Variants in PCGF3 observed in about 807,000 individuals in gnomAD.
The protein encoded by PCGF3 is polycomb group RING finger protein 3.
A neutral mutation model predicts 33.1 loss-of-function variants in PCGF3; 7 were observed. The observed-to-expected ratio is 0.21, with a 90% confidence interval of 0.12 to 0.40. The LOEUF is 0.40. PCGF3 is among the 10% of genes least tolerant of loss of function. The probability of loss-of-function intolerance (pLI) is 1.00; values close to 1 mark genes in which losing one functional copy is unlikely to be tolerated. For synonymous variants in PCGF3, 153 were observed against 121.3 expected, an observed-to-expected ratio of 1.26 and a Z score of -1.72; for missense variants, 211 against 313.3, an observed-to-expected ratio of 0.67 and a Z score of 2.46.
At chr4:737,856 C>G (rs369575440) in intron 6 of PCGF3, among the ~76,000 whole-genome samples, 1 of 152,360 alleles carries the variant, frequency 6.6e-6, no homozygotes, top group Admixed American at 6.5e-5. Flanking sequence ...GCCTGCCTCC[C>G]CTCATCCCAC....
intron 8 of PCGF3, among the ~76,000 whole-genome samples, chr4:754,537 AG>A (rs1056024832): frequency 2.0e-5 from 3 of 152,128 alleles, no homozygotes; most frequent in Non-Finnish European, 4.4e-5. Context: ...TGGACTGTAG[AG>A]GTGAGGCAGG....
rs556757820 is a variant in PCGF3, at chr4:734,957, C to T, written c.136C>T (p.Leu46=). Residue 46 remains leucine, a synonymous_variant, in exon 5 of 11, where the codon CTG becomes TTG. Transcript: ENST00000362003. ...CTGCAGGAGCTGCCTGGTGAAGTAC[C>T]TGGAGGAGAACAACACCTGCCCCAC... 2.0e-5 allele frequency: 33 copies of T among 1,613,816 alleles called. No individual in the cohort carries two copies. In the Admixed American group the frequency reaches 3.8e-4, roughly 19 times the overall value.
chr4:715,127 G>A (rs1302717165), intron 1 of PCGF3, among the ~76,000 whole-genome samples: 85 of 141,392 alleles, frequency 6.0e-4, no homozygotes, highest in Middle Eastern at 4.2e-3. Flanking sequence ...ACTGGGTGTC[G>A]GTGCTGGGAC....
At chr4:764,847 A>G in intron 9 of PCGF3, 137 bp from the exon 10 acceptor site, 1 of 621,982 alleles carries the variant, frequency 1.6e-6, no homozygotes. Flanking sequence ...TACATGAACC[A>G]GCCCCCCCCA....
chr4:728,266 T>C (rs982861790), intron 1 of PCGF3, among the ~76,000 whole-genome samples: 1 of 152,170 alleles, frequency 6.6e-6, no homozygotes, highest in African/African-American at 2.4e-5. Flanking sequence ...ATAACAATAA[T>C]GCACATCTTA....
intron 1 of PCGF3, among the ~76,000 whole-genome samples, chr4:725,483 G>A (rs981720934): frequency 2.3e-4 from 35 of 152,184 alleles, no homozygotes; most frequent in African/African-American, 7.7e-4. Flanking sequence ...CCGTGTCCAC[G>A]TGAGGAGGGA....
chr4:743,617 G>A (rs778828742), intron 7 of PCGF3, 33 bp downstream of exon 7: 16 of 1,278,304 alleles, frequency 1.3e-5, no homozygotes, highest in Middle Eastern at 1.9e-4. Context: ...CAGAAGCCCC[G>A]GGAATCCCCT....
chr4:765,910 T>A, intron 10 of PCGF3, 122 bp from the exon 11 acceptor site: 1 of 837,924 alleles, frequency 1.2e-6, no homozygotes, highest in Non-Finnish European at 2.0e-6. Flanking sequence ...AGGGTCTCTG[T>A]GCAGCCCTGC....
intron 8 of PCGF3, among the ~76,000 whole-genome samples, chr4:753,713 T>C (rs1202979188): frequency 2.0e-5 from 3 of 151,422 alleles, no homozygotes; most frequent in South Asian, 2.1e-4. Flanking sequence ...TTTGGGAGGC[T>C]GAGGCGGGCA....
intron 6 of PCGF3, among the ~76,000 whole-genome samples, chr4:740,002 T>TA (rs1225722977): frequency 1.3e-5 from 2 of 152,256 alleles, no homozygotes; most frequent in African/African-American, 4.8e-5. Context: ...TTGTGGCTCT[T>TA]TAGCAGGAGG....
At chr4:727,679 C>T (rs148972139) in intron 1 of PCGF3, among the ~76,000 whole-genome samples, 6 of 152,232 alleles carry the variant, frequency 3.9e-5, no homozygotes, top group East Asian at 3.9e-4. Flanking sequence ...ATTAAGCCCA[C>T]GTTGTTTTCT....
chr4:735,077 G>A, intron 5 of PCGF3, 50 bp downstream of exon 5: 1 of 1,575,098 alleles, frequency 6.3e-7, no homozygotes, highest in Non-Finnish European at 8.6e-7. Context: ...GTGCCCCTGG[G>A]CGTCTCTGTG....
At chr4:735,050 C>T (rs1743769054) in intron 5 of PCGF3, 23 bp downstream of exon 5, 2 of 1,606,952 alleles carry the variant, frequency 1.2e-6, no homozygotes, top group East Asian at 2.2e-5. Context: ...CTTCCCAGGC[C>T]ACAGTACGTG....
At chr4:714,062 C>T (rs148042097) in intron 1 of PCGF3, among the ~76,000 whole-genome samples, 74 of 152,240 alleles carry the variant, frequency 4.9e-4, no homozygotes, top group African/African-American at 1.7e-3. Flanking sequence ...CAGTGTCAGG[C>T]GTGGGGCCCT....
chr4:716,375 T>C (rs867614819), intron 1 of PCGF3, among the ~76,000 whole-genome samples: 474 of 81,928 alleles, frequency 5.8e-3, no homozygotes, highest in South Asian at 0.011. Context: ...GTGGACACTG[T>C]GAGTGTGAGA....
At chr4:762,370 G>C (rs1745108807) in intron 9 of PCGF3, 1 of 153,002 alleles carries the variant, frequency 6.5e-6, no homozygotes, top group Non-Finnish European at 1.5e-5. Context: ...GGAGCCCCTG[G>C]GCCACCAGCA....
chr4:744,121 C>G (rs1287506773), intron 7 of PCGF3, among the ~76,000 whole-genome samples: 4 of 152,140 alleles, frequency 2.6e-5, no homozygotes, highest in East Asian at 1.9e-4. Flanking sequence ...TTTGCGGGTC[C>G]CAGGAAGCAC....
intron 8 of PCGF3, among the ~76,000 whole-genome samples, chr4:750,161 C>T (rs1032055675): frequency 1.3e-5 from 2 of 152,216 alleles, no homozygotes; most frequent in African/African-American, 2.4e-5. Context: ...CTGCTCCCTG[C>T]GGACTTTGAT....
At position 731,160 on chromosome 4, in the gene PCGF3, G is replaced by C. The variant is rs140552488; in HGVS notation, c.-10+50G>C. 587 of 398,610 alleles carry C rather than the reference G, an allele frequency of 1.5e-3. 2 individuals are homozygous for C. Among genetic ancestry groups the C allele is most frequent in the African/African-American group, 0.011 (531 of 48,764 alleles). The allele number at this position is 398,610 out of a possible 1,614,324, so 24.7% of individuals were successfully genotyped here. ...GGGGGTCCTGCTGACTCCTTGCCCT[G>C]CCCTGTTGCTGGTTGTGGCGAGGGC... On this transcript the variant is annotated intron_variant, in intron 3 of 10. Transcript: ENST00000362003.
Sources: gnomAD v4.1 joint callset for allele counts (sites outside exome capture counted in the v4.1 genomes callset) on GRCh38, gnomAD v4.1.1 for gene constraint, MANE v1.5 for transcripts, NCBI Gene and HGNC (gene_info 2026-07-23, HGNC 2026-07-21) for gene names.